The following USP25 variants were observed in gnomAD, a reference collection of about 807,000 sequenced individuals.
USP25 encodes the protein ubiquitin specific peptidase 25.
USP25 carries 85 observed loss-of-function variants against 158.5 expected under a neutral mutation model. The ratio of observed to expected loss-of-function variants is 0.54; its 90% CI spans 0.45 to 0.64. The LOEUF (loss-of-function observed/expected upper bound fraction) is 0.64. Among genes scored for constraint, USP25 ranks in the 30% least tolerant of loss-of-function variants. USP25 has a pLI of 0.00. For synonymous variants in USP25, 464 were observed against 460.4 expected (o/e 1.01, Z -0.10); for missense variants, 1,242 against 1,327.3 (o/e 0.94, Z 1.00).
chr21:15,757,876 T>C (rs958598472), intron 1 of USP25, among the ~76,000 whole-genome samples: 2 of 152,364 alleles, frequency 1.3e-5, no homozygotes, highest in East Asian at 3.9e-4. Flanking sequence ...ATAGGCAGTG[T>C]AATCTTTTCT....
intron 5 of USP25, among the ~76,000 whole-genome samples, chr21:15,798,315 C>G (rs978866249): frequency 4.6e-5 from 7 of 151,282 alleles, no homozygotes; most frequent in African/African-American, 1.7e-4. Context: ...TCCCCTGACA[C>G]AGCTATTTTT....
chr21:15,758,641 C>T (rs2033539957), intron 1 of USP25, among the ~76,000 whole-genome samples: 1 of 152,094 alleles, frequency 6.6e-6, no homozygotes. Context: ...TAAAGACATA[C>T]CTGGGACTGG....
intron 4 of USP25, among the ~76,000 whole-genome samples, chr21:15,782,802 A>C (rs1388305077): frequency 3.3e-5 from 5 of 152,304 alleles, no homozygotes; most frequent in African/African-American, 1.2e-4. Flanking sequence ...GCAATTGTCC[A>C]TTACATGCAC....
At chr21:15,776,256 C>A (rs1252016404) in intron 3 of USP25, among the ~76,000 whole-genome samples, 1 of 152,150 alleles carries the variant, frequency 6.6e-6, no homozygotes, top group East Asian at 1.9e-4. Flanking sequence ...CTATATAAAT[C>A]TTTCACATTT....
chr21:15,807,627 A>G (rs924210078), intron 7 of USP25, among the ~76,000 whole-genome samples: 2 of 152,176 alleles, frequency 1.3e-5, no homozygotes, highest in Non-Finnish European at 1.5e-5. Context: ...TTGAGGCAGC[A>G]TAGCTCCAAT....
intron 1 of USP25, among the ~76,000 whole-genome samples, chr21:15,755,864 G>C (rs1017748999): frequency 1.3e-5 from 2 of 152,164 alleles, no homozygotes; most frequent in Non-Finnish European, 1.5e-5. Context: ...TCTTCATAAA[G>C]GGAGAAGTGG....
intron 1 of USP25, among the ~76,000 whole-genome samples, chr21:15,735,088 C>T (rs1462009900): frequency 6.6e-6 from 1 of 152,152 alleles, no homozygotes; most frequent in East Asian, 1.9e-4. Flanking sequence ...TACACAAGCC[C>T]CTGCTCTTAA....
intron 1 of USP25, among the ~76,000 whole-genome samples, chr21:15,735,850 G>C (rs2031442099): frequency 6.6e-6 from 1 of 151,828 alleles, no homozygotes; most frequent in African/African-American, 2.4e-5. Flanking sequence ...TTTGCTTATT[G>C]TCTTTTAAAT....
intron 17 of USP25, 124 bp downstream of exon 17, chr21:15,833,672 T>G: frequency 1.1e-6 from 1 of 869,902 alleles, no homozygotes; most frequent in South Asian, 1.9e-5. Flanking sequence ...CATTTCAAAT[T>G]CCATCACTCA....
intron 14 of USP25, among the ~76,000 whole-genome samples, chr21:15,829,259 A>ACCT (rs1433596170): frequency 6.6e-6 from 1 of 152,176 alleles, no homozygotes; most frequent in Non-Finnish European, 1.5e-5. Context: ...TTCATCATGC[A>ACCT]GGTAATAAGC....
chr21:15,841,046 T>C (rs569123830), intron 17 of USP25, among the ~76,000 whole-genome samples: 2 of 152,314 alleles, frequency 1.3e-5, no homozygotes, highest in Admixed American at 1.3e-4. Context: ...CAGTCCAAAA[T>C]CAGGAAATGA....
rs1173554471 is a variant in USP25 at position 15,799,916 on chromosome 21, C to T, written c.642+73C>T. 4.1e-6 allele frequency: 4 copies of T among 967,504 alleles called. No homozygotes were observed. The African/African-American group carries it at 5.1e-5, about 12-fold the overall frequency. The allele number at this position is 967,504 out of a possible 1,614,324, so 59.9% of individuals were successfully genotyped here. ...CTCTTATATGTGATTGATTTTTGGG[C>T]ATTTACTTGGCTCATCAAATCTGAA... On this transcript the variant is annotated intron_variant, in intron 6 of 25. Coordinates refer to ENST00000400183, the MANE Select transcript of USP25 (RefSeq NM_001283041.3).
chr21:15,763,650 A>G (rs369767262), intron 2 of USP25, among the ~76,000 whole-genome samples: 24 of 152,320 alleles, frequency 1.6e-4, no homozygotes, highest in East Asian at 1.4e-3. Flanking sequence ...GCTAAAAACA[A>G]TATAGCATTT....
intron 1 of USP25, among the ~76,000 whole-genome samples, chr21:15,755,210 A>G (rs2033297185): frequency 6.6e-6 from 1 of 151,252 alleles, no homozygotes; most frequent in Non-Finnish European, 1.5e-5. Flanking sequence ...AGGTCATTCT[A>G]AGAGTTGCGC....
At chr21:15,780,439 G>T (rs2034900829) in intron 4 of USP25, among the ~76,000 whole-genome samples, 1 of 152,140 alleles carries the variant, frequency 6.6e-6, no homozygotes, top group Admixed American at 6.5e-5. Context: ...GTTGAAATTT[G>T]TTAATAAACT....
chr21:15,820,575 A>G (rs1008072063), intron 10 of USP25, among the ~76,000 whole-genome samples: 32 of 152,070 alleles, frequency 2.1e-4, no homozygotes, highest in African/African-American at 7.0e-4. Context: ...GCTGGAGGCT[A>G]TAGTTTCAAT....
chr21:15,812,444 C>G (rs1006201994), intron 9 of USP25, among the ~76,000 whole-genome samples: 14 of 152,180 alleles, frequency 9.2e-5, no homozygotes, highest in African/African-American at 3.4e-4. Context: ...GTCAGGAGAT[C>G]AAGACCATCC....
chr21:15,730,501 T>A, intron 1 of USP25, 63 bp downstream of exon 1: 2 of 1,290,584 alleles, frequency 1.5e-6, no homozygotes, highest in Non-Finnish European at 2.0e-6. Context: ...CCTCTCCCGC[T>A]GCGGCCGGGC....
intron 1 of USP25, among the ~76,000 whole-genome samples, chr21:15,762,491 C>G (rs2033790120): frequency 6.6e-6 from 1 of 152,042 alleles, no homozygotes; most frequent in South Asian, 2.1e-4. Context: ...GGTATAATTA[C>G]CCACCGAGTT....
Sources: gnomAD v4.1 joint callset for allele counts (sites outside exome capture counted in the v4.1 genomes callset) on GRCh38, gnomAD v4.1.1 for gene constraint, MANE v1.5 for transcripts, NCBI Gene and HGNC (gene_info 2026-07-23, HGNC 2026-07-21) for gene names.